The following PCTP variants were observed in gnomAD, a reference collection of about 807,000 sequenced individuals.
The protein encoded by PCTP is phosphatidylcholine transfer protein.
A neutral mutation model predicts 31.0 loss-of-function variants in PCTP; 27 were observed. That is an observed-to-expected ratio of 0.87 (90% CI 0.64 to 1.20). The LOEUF is 1.20. Among genes scored for constraint, PCTP ranks in the 50% most tolerant of loss-of-function variants. The pLI, the probability that PCTP is intolerant of heterozygous loss-of-function variation, is 0.00. For missense variants in PCTP, 287 were observed against 268.2 expected (o/e 1.07, Z -0.49); for synonymous variants, 108 against 101.2 (o/e 1.07, Z -0.40).
At chr17:55,757,447 GAC>G (rs72053094) in intron 1 of PCTP, among the ~76,000 whole-genome samples, 91,407 of 144,826 alleles carry the variant, frequency 0.63, 32,647 homozygotes, top group Non-Finnish European at 0.8. Flanking sequence ...AGGAAACTGA[GAC>G]ACACACACAC....
chr17:55,822,932 C>T, exon 4 of PCTP: 1 of 661,952 alleles, frequency 1.5e-6, no homozygotes, highest in Non-Finnish European at 2.1e-6. Context: ...GTGCAGGTAT[C>T]ATTTCTTATC....
intron 3 of PCTP, among the ~76,000 whole-genome samples, chr17:55,804,207 G>A (rs1912497568): frequency 6.6e-6 from 1 of 152,136 alleles, no homozygotes; most frequent in African/African-American, 2.4e-5. Flanking sequence ...TAAAAAGTCA[G>A]GAAACAACAG....
At chr17:55,798,615 A>T (rs899322442) in intron 3 of PCTP, among the ~76,000 whole-genome samples, 6 of 152,154 alleles carry the variant, frequency 3.9e-5, no homozygotes, top group African/African-American at 1.4e-4. Flanking sequence ...CTACCAGCCT[A>T]GACTTCTATA....
chr17:55,836,337 C>G (rs935781731), intron 5 of PCTP, among the ~76,000 whole-genome samples: 3 of 152,208 alleles, frequency 2.0e-5, no homozygotes, highest in Non-Finnish European at 4.4e-5. Flanking sequence ...CTTGTGTACA[C>G]TGTAAACTAA....
intron 1 of PCTP, among the ~76,000 whole-genome samples, chr17:55,764,809 C>T (rs1432821299): frequency 1.3e-5 from 2 of 152,190 alleles, no homozygotes; most frequent in Admixed American, 6.5e-5. Context: ...ACCAGTAACA[C>T]GGCCTTAGCA....
chr17:55,818,353 A>G (rs561615135), intron 3 of PCTP, among the ~76,000 whole-genome samples: 1 of 152,248 alleles, frequency 6.6e-6, no homozygotes, highest in Admixed American at 6.5e-5. Context: ...CTATTCCAAC[A>G]TGGCAACTGG....
chr17:55,783,223 A>C (rs1322395236), intron 2 of PCTP, among the ~76,000 whole-genome samples: 1 of 151,748 alleles, frequency 6.6e-6, no homozygotes, highest in Non-Finnish European at 1.5e-5. Flanking sequence ...TTTCATTCTG[A>C]TTTAACACCG....
chr17:55,792,399 G>A (rs188326735), intron 3 of PCTP, among the ~76,000 whole-genome samples: 358 of 151,692 alleles, frequency 2.4e-3, no homozygotes, highest in African/African-American at 8.1e-3. Context: ...AGGGAATGTA[G>A]CTACTGAAAT....
intron 3 of PCTP, among the ~76,000 whole-genome samples, chr17:55,818,842 G>A (rs1331837319): frequency 6.6e-6 from 1 of 151,448 alleles, no homozygotes; most frequent in East Asian, 1.9e-4. Flanking sequence ...AAAGTGGGAG[G>A]GGTGCATCTT....
intron 3 of PCTP, among the ~76,000 whole-genome samples, chr17:55,792,262 T>A (rs1256037590): frequency 4.8e-4 from 69 of 144,878 alleles, no homozygotes; most frequent in Middle Eastern, 3.5e-3. Flanking sequence ...CATATGTAAC[T>A]AACCTGCACA....
intron 1 of PCTP, among the ~76,000 whole-genome samples, chr17:55,764,572 A>T (rs1431279070): frequency 2.0e-5 from 3 of 152,186 alleles, no homozygotes; most frequent in Non-Finnish European, 4.4e-5. Context: ...TAGAGCTGGA[A>T]GATTCTTATG....
At chr17:55,795,371 G>C (rs1912150505) in intron 3 of PCTP, among the ~76,000 whole-genome samples, 1 of 152,006 alleles carries the variant, frequency 6.6e-6, no homozygotes, top group Non-Finnish European at 1.5e-5. Context: ...CTTATTCATA[G>C]AGCATGTGGG....
Position 55,771,177 on chromosome 17 carries a change from A to G in PCTP, c.331A>G (p.Asn111Asp), listed in dbSNP as rs759046948. ...WEVKYPFPMS[N>D]RDYVYLRQRR... is the part of the protein sequence containing the mutation. ...AGTGAAGTACCCTTTTCCCATGTCCAACAGAGACGTATCCTTTCCACAAGG... is the reference window on the plus strand; with the variant it reads ...AGTGAAGTACCCTTTTCCCATGTCCGACAGAGACGTATCCTTTCCACAAGG... The change falls in exon 3 of 6, where the codon AAC becomes GAC. Residue 111 changes from asparagine (N) to aspartate (D), a missense_variant. Transcript: ENST00000268896. 7.5e-6 allele frequency: 12 copies of G among 1,606,996 alleles called. No homozygotes were observed. Among genetic ancestry groups the G allele is most frequent in the Middle Eastern group, 3.3e-4 (2 of 6,054 alleles).
chr17:55,762,548 G>T (rs1234227866), intron 1 of PCTP, among the ~76,000 whole-genome samples: 1 of 152,048 alleles, frequency 6.6e-6, no homozygotes, highest in Admixed American at 6.6e-5. Flanking sequence ...ATTGTTTTTA[G>T]CTACAAGTAA....
chr17:55,787,925 T>C (rs761581824), intron 3 of PCTP, among the ~76,000 whole-genome samples: 1 of 152,170 alleles, frequency 6.6e-6, no homozygotes, highest in Admixed American at 6.5e-5. Flanking sequence ...TCAACAGCAC[T>C]GTCATATAAT....
chr17:55,848,025 C>T, the PCTP span, among the ~76,000 whole-genome samples: 9 of 152,128 alleles, frequency 5.9e-5, no homozygotes, highest in Admixed American at 4.6e-4. Context: ...CAGGTTCAAG[C>T]AATTCTCATG....
intron 3 of PCTP, among the ~76,000 whole-genome samples, chr17:55,798,323 A>G (rs115124256): frequency 0.027 from 4,127 of 152,146 alleles, 181 homozygotes; most frequent in African/African-American, 0.094. Context: ...TGAACAGCTT[A>G]TACAATCGTT....
chr17:55,785,147 T>C (rs558176262), intron 2 of PCTP, among the ~76,000 whole-genome samples: 1 of 152,374 alleles, frequency 6.6e-6, no homozygotes, highest in Non-Finnish European at 1.5e-5. Context: ...TGTAAAATAC[T>C]CTGCCTTCGT....
At chr17:55,824,787 C>T (rs1033799161), downstream of PCTP, among the ~76,000 whole-genome samples, 4 of 152,188 alleles carry the variant, frequency 2.6e-5, no homozygotes, top group Admixed American at 6.5e-5. Context: ...TAAACTCCCT[C>T]TTGGAACATC....
Sources: gnomAD v4.1 joint callset for allele counts (sites outside exome capture counted in the v4.1 genomes callset) on GRCh38, gnomAD v4.1.1 for gene constraint, MANE v1.5 for transcripts, NCBI Gene and HGNC (gene_info 2026-07-23, HGNC 2026-07-21) for gene names.